The following RSU1 variants were observed in gnomAD, a reference collection of about 807,000 sequenced individuals.
RSU1 encodes the protein Ras suppressor protein 1, also known as rsu-1.
RSU1 carries 26 observed loss-of-function variants against 31.1 expected under a neutral mutation model. The ratio of observed to expected loss-of-function variants is 0.84; its 90% CI spans 0.61 to 1.16. The LOEUF (loss-of-function observed/expected upper bound fraction) is 1.16, where lower values mean the gene tolerates loss of function less well. Among genes scored for constraint, RSU1 ranks in the 50% most tolerant of loss-of-function variants. The pLI, the probability that RSU1 is intolerant of heterozygous loss-of-function variation, is 0.00. For synonymous variants in RSU1, 164 were observed against 136.3 expected (o/e 1.20, Z -1.41); for missense variants, 320 against 339.1 (o/e 0.94, Z 0.44).
chr10:16,794,370 A>C (rs769457711), intron 2 of RSU1, among the ~76,000 whole-genome samples: 3 of 152,150 alleles, frequency 2.0e-5, no homozygotes, highest in Non-Finnish European at 2.9e-5. Context: ...AGTGCCTGAA[A>C]ATTTTTTTAG....
intron 8 of RSU1, among the ~76,000 whole-genome samples, chr10:16,642,197 C>T (rs1262732922): frequency 1.3e-5 from 2 of 151,310 alleles, no homozygotes; most frequent in Non-Finnish European, 1.5e-5. Flanking sequence ...TCTGTAATAA[C>T]GTTACTGAAA....
intron 7 of RSU1, among the ~76,000 whole-genome samples, chr10:16,746,665 CTTTTT>C (rs535857942): frequency 2.9e-5 from 3 of 101,864 alleles, no homozygotes; most frequent in Admixed American, 1.0e-4. Context: ...TCCCAAATCA[CTTTTT>C]TTTTTTTTTT....
At position 16,766,569 on chromosome 10, in the gene RSU1, G is replaced by C. The variant is rs186333051; in HGVS notation, c.161-2059C>G. Among the ~76,000 whole-genome samples the C allele has an allele frequency of 2.5e-4, 38 of 152,238 alleles. No homozygotes were observed. The East Asian group carries it at 6.6e-3, about 26-fold the overall frequency. On this transcript the variant is annotated intron_variant, in intron 3 of 8. Transcript: ENST00000345264. ...GACTCTACTAAAAATACAAAAATTA[G>C]CTGGGCATGGTGGCAGACGCCTGTA...
At chr10:16,756,906 T>G (rs1246921346) in intron 4 of RSU1, among the ~76,000 whole-genome samples, 5 of 117,772 alleles carry the variant, frequency 4.2e-5, no homozygotes, top group South Asian at 5.9e-4. Context: ...GGGTGGGGTG[T>G]GGTGTGTGAA....
chr10:16,682,603 T>C lies in RSU1; in HGVS notation c.731+12420A>G, dbSNP rs1588712563. Among the ~76,000 whole-genome samples, 9 of 144,452 alleles carry C rather than the reference T, an allele frequency of 6.2e-5. No individual in the cohort carries two copies. The South Asian group carries it at 1.8e-3, about 28-fold the overall frequency. 94.8% of individuals were successfully genotyped at this position (144,452 alleles called of 152,430 possible). ...GCATGTTACCTAGGGTGGACATGCG[T>C]TCCTCCTCTTACTTTCGGGAACACC... On this transcript the variant is annotated intron_variant, in intron 8 of 8. Transcript: ENST00000345264.
chr10:16,790,573 G>C (rs1837891484), intron 2 of RSU1, among the ~76,000 whole-genome samples: 1 of 152,174 alleles, frequency 6.6e-6, no homozygotes, highest in African/African-American at 2.4e-5. Flanking sequence ...GGGTGATGGA[G>C]TCAATCCCAG....
intron 2 of RSU1, among the ~76,000 whole-genome samples, chr10:16,801,338 A>T (rs945056362): frequency 6.6e-6 from 1 of 152,210 alleles, no homozygotes; most frequent in Admixed American, 6.5e-5. Flanking sequence ...TCCAAGAAAG[A>T]CACAGCAATC....
chr10:16,593,582 A>G lies in RSU1; in HGVS notation c.732-86T>C, dbSNP rs73599188. 7.3e-3 allele frequency: 7,455 copies of G among 1,024,866 alleles called. 371 individuals carry two copies. The African/African-American group carries it at 0.1, about 14-fold the overall frequency. The allele number at this position is 1,024,866 out of a possible 1,614,324, so 63.5% of individuals were successfully genotyped here. On this transcript the variant is annotated intron_variant, in intron 8 of 8. Transcript: ENST00000345264. ...TGGAAGAGCTTTCAGGAATAGAAGAATCTCCAAAAATATTCAGTAAGCCAA... is the reference window on the plus strand; with the variant it reads ...TGGAAGAGCTTTCAGGAATAGAAGAGTCTCCAAAAATATTCAGTAAGCCAA...
chr10:16,787,760 T>C (rs1837824710), intron 2 of RSU1, among the ~76,000 whole-genome samples: 1 of 152,190 alleles, frequency 6.6e-6, no homozygotes, highest in South Asian at 2.1e-4. Context: ...GTGAGGCCTC[T>C]CCAGCCATGT....
At chr10:16,779,138 A>G (rs1837600782) in intron 3 of RSU1, among the ~76,000 whole-genome samples, 1 of 152,222 alleles carries the variant, frequency 6.6e-6, no homozygotes, top group Non-Finnish European at 1.5e-5. Flanking sequence ...TGCTACAGAC[A>G]GATTAAGTCC....
intron 7 of RSU1, among the ~76,000 whole-genome samples, chr10:16,751,010 C>A (rs1322304468): frequency 6.6e-6 from 1 of 152,028 alleles, no homozygotes; most frequent in Non-Finnish European, 1.5e-5. Context: ...GGACTACAGG[C>A]ATGCACCACC....
At chr10:16,676,544 C>G (rs1835235959) in intron 8 of RSU1, among the ~76,000 whole-genome samples, 1 of 152,186 alleles carries the variant, frequency 6.6e-6, no homozygotes, top group Non-Finnish European at 1.5e-5. Flanking sequence ...CACAGCCAAA[C>G]CATATCAATC....
At chr10:16,688,154 A>T (rs1835473461) in intron 8 of RSU1, among the ~76,000 whole-genome samples, 1 of 152,164 alleles carries the variant, frequency 6.6e-6, no homozygotes, top group Non-Finnish European at 1.5e-5. Flanking sequence ...GATGTGACAC[A>T]ATATACCCCA....
intron 7 of RSU1, among the ~76,000 whole-genome samples, chr10:16,714,404 T>G (rs1365302583): frequency 6.6e-6 from 1 of 152,208 alleles, no homozygotes; most frequent in African/African-American, 2.4e-5. Flanking sequence ...GCTGTCAGGC[T>G]AGACATAGAA....
At chr10:16,658,059 G>A (rs111338993) in intron 8 of RSU1, among the ~76,000 whole-genome samples, 6,417 of 152,202 alleles carry the variant, frequency 0.042, 191 homozygotes, top group African/African-American at 0.067. Flanking sequence ...TTGATGCCCC[G>A]GGGGATTCTT....
chr10:16,614,421 T>C (rs1282698025), intron 8 of RSU1, among the ~76,000 whole-genome samples: 2 of 150,422 alleles, frequency 1.3e-5, no homozygotes, highest in African/African-American at 2.4e-5. Context: ...AAAAAAAAAA[T>C]AGAATGAACA....
intron 8 of RSU1, among the ~76,000 whole-genome samples, chr10:16,616,596 A>C (rs1310196058): frequency 6.6e-6 from 1 of 152,194 alleles, no homozygotes; most frequent in Non-Finnish European, 1.5e-5. Context: ...CCTGATGAAG[A>C]TCAACAGGTG....
At chr10:16,796,692 T>C (rs183924407) in intron 2 of RSU1, among the ~76,000 whole-genome samples, 198 of 152,152 alleles carry the variant, frequency 1.3e-3, no homozygotes, top group Non-Finnish European at 2.5e-3. Flanking sequence ...GAAGCTTATT[T>C]TTCCCACTGT....
At chr10:16,607,919 T>A (rs927732111) in intron 8 of RSU1, among the ~76,000 whole-genome samples, 3 of 152,106 alleles carry the variant, frequency 2.0e-5, no homozygotes, top group Non-Finnish European at 4.4e-5. Flanking sequence ...CTGGAGTGCA[T>A]TGGAACATTA....
Sources: gnomAD v4.1 joint callset for allele counts (sites outside exome capture counted in the v4.1 genomes callset) on GRCh38, gnomAD v4.1.1 for gene constraint, MANE v1.5 for transcripts, NCBI Gene and HGNC (gene_info 2026-07-23, HGNC 2026-07-21) for gene names.